Variants in ARHGAP15 observed in about 807,000 individuals in gnomAD.
The protein encoded by ARHGAP15 is Rho GTPase activating protein 15.
Under a neutral mutation model 63.7 loss-of-function variants are expected in ARHGAP15, and 51 were observed. The ratio of observed to expected loss-of-function variants is 0.80; its 90% confidence interval spans 0.64 to 1.01. The LOEUF (loss-of-function observed/expected upper bound fraction) is 1.01. Ranked by LOEUF, ARHGAP15 falls within the 50% of genes least tolerant of loss-of-function variation. The pLI, the probability that ARHGAP15 is intolerant of heterozygous loss-of-function variation, is 0.00. For missense variants in ARHGAP15, 560 were observed against 564.6 expected, an observed-to-expected ratio of 0.99 and a Z score of 0.08; for synonymous variants, 191 against 193.8, an observed-to-expected ratio of 0.99 and a Z score of 0.12.
intron 10 of ARHGAP15, among the ~76,000 whole-genome samples, chr2:143,543,802 G>A (rs1225169977): frequency 1.3e-5 from 2 of 152,116 alleles, no homozygotes; most frequent in South Asian, 4.1e-4. Flanking sequence ...GGGAACAACT[G>A]TTATTGGAAT....
chr2:143,466,353 A>G (rs758329005), intron 8 of ARHGAP15, among the ~76,000 whole-genome samples: 7 of 151,792 alleles, frequency 4.6e-5, no homozygotes, highest in Non-Finnish European at 7.4e-5. Flanking sequence ...TTTCAGAACT[A>G]TGCAATTTCC....
chr2:143,399,892 A>T (rs1687923185), intron 6 of ARHGAP15, among the ~76,000 whole-genome samples: 2 of 152,032 alleles, frequency 1.3e-5, no homozygotes, highest in African/African-American at 2.4e-5. Context: ...TGATGTTGAA[A>T]TGTGATTATA....
At chr2:143,269,225 A>T (rs1681148126) in intron 6 of ARHGAP15, among the ~76,000 whole-genome samples, 1 of 152,200 alleles carries the variant, frequency 6.6e-6, no homozygotes, top group Non-Finnish European at 1.5e-5. Flanking sequence ...GTACTTTGAA[A>T]GTCTGGAGAG....
chr2:143,469,833 A>C (rs1433912467), intron 8 of ARHGAP15, among the ~76,000 whole-genome samples: 2 of 152,230 alleles, frequency 1.3e-5, no homozygotes, highest in African/African-American at 4.8e-5. Flanking sequence ...CAGAAAATTT[A>C]AAGTTATATA....
chr2:143,353,560 A>G (rs1225241643), intron 6 of ARHGAP15, among the ~76,000 whole-genome samples: 1 of 152,086 alleles, frequency 6.6e-6, no homozygotes, highest in Non-Finnish European at 1.5e-5. Flanking sequence ...ATTTTTACTC[A>G]TTCAGTTAGA....
intron 5 of ARHGAP15, among the ~76,000 whole-genome samples, chr2:143,239,128 G>A (rs1326095834): frequency 6.6e-6 from 1 of 151,962 alleles, no homozygotes; most frequent in Non-Finnish European, 1.5e-5. Flanking sequence ...AACCACCATG[G>A]CACACATTTA....
chr2:143,485,398 A>G (rs1217257720), intron 8 of ARHGAP15, among the ~76,000 whole-genome samples: 1 of 152,228 alleles, frequency 6.6e-6, no homozygotes, highest in Non-Finnish European at 1.5e-5. Flanking sequence ...CATGACAAAT[A>G]TATAGATAGA....
intron 6 of ARHGAP15, chr2:143,295,604 G>A (rs1369712093): frequency 6.6e-6 from 1 of 151,988 alleles, no homozygotes; most frequent in Admixed American, 6.6e-5. Flanking sequence ...TTCATGAATA[G>A]AGAGGTACTG....
chr2:143,346,757 A>G (rs1685318447), intron 6 of ARHGAP15, among the ~76,000 whole-genome samples: 1 of 152,156 alleles, frequency 6.6e-6, no homozygotes, highest in Non-Finnish European at 1.5e-5. Context: ...GGTGTTGAAA[A>G]TTGGTATTCA....
At chr2:143,207,495 A>AACACACACACACAC (rs70982851) in intron 3 of ARHGAP15, among the ~76,000 whole-genome samples, 7 of 145,764 alleles carry the variant, frequency 4.8e-5, no homozygotes, top group Admixed American at 1.4e-4. Flanking sequence ...CACACACATA[A>AACACACACACACAC]ACACACACAC....
intron 6 of ARHGAP15, among the ~76,000 whole-genome samples, chr2:143,315,357 C>G (rs1401967204): frequency 6.6e-6 from 1 of 152,002 alleles, no homozygotes; most frequent in Non-Finnish European, 1.5e-5. Context: ...ATTTAATTTT[C>G]TTAATTTATC....
chr2:143,318,175 A>ATT (rs796712788), intron 6 of ARHGAP15, among the ~76,000 whole-genome samples: 7 of 142,902 alleles, frequency 4.9e-5, no homozygotes, highest in African/African-American at 1.0e-4. Context: ...ATATTTTTGT[A>ATT]TTTTTTTTTT....
chr2:143,181,639 T>G (rs1024762339), intron 2 of ARHGAP15, among the ~76,000 whole-genome samples: 6 of 152,228 alleles, frequency 3.9e-5, no homozygotes, highest in Non-Finnish European at 8.8e-5. Flanking sequence ...TCTGCAGTTT[T>G]TCCACCTCTC....
At chr2:143,488,063 A>G (rs1299662601) in intron 9 of ARHGAP15, among the ~76,000 whole-genome samples, 1 of 152,252 alleles carries the variant, frequency 6.6e-6, no homozygotes, top group Non-Finnish European at 1.5e-5. Context: ...TGTAGAGGGC[A>G]GAATAGATGA....
At chr2:143,539,381 C>T (rs1694938354) in intron 10 of ARHGAP15, among the ~76,000 whole-genome samples, 2 of 152,150 alleles carry the variant, frequency 1.3e-5, no homozygotes, top group Middle Eastern at 3.4e-3. Context: ...CTATTTCCTT[C>T]AGTTCTGCTC....
chr2:143,738,810 C>T (rs982169733), intron 13 of ARHGAP15, among the ~76,000 whole-genome samples: 1 of 152,142 alleles, frequency 6.6e-6, no homozygotes, highest in Non-Finnish European at 1.5e-5. Flanking sequence ...GTCCTTAACG[C>T]CAGGTTAAAT....
chr2:143,251,352 T>G (rs1336980978), intron 6 of ARHGAP15, among the ~76,000 whole-genome samples: 2 of 152,052 alleles, frequency 1.3e-5, no homozygotes, highest in South Asian at 2.1e-4. Context: ...AGAAGAGAGA[T>G]AGAGTATAAT....
intron 11 of ARHGAP15, among the ~76,000 whole-genome samples, chr2:143,569,158 A>G (rs865860523): frequency 4.9e-4 from 71 of 144,600 alleles, no homozygotes; most frequent in African/African-American, 1.7e-3. Context: ...AACTTAAAGT[A>G]TAATAATTTA....
chr2:143,471,713 G>A (rs1390590858), intron 8 of ARHGAP15, among the ~76,000 whole-genome samples: 1 of 152,126 alleles, frequency 6.6e-6, no homozygotes, highest in Non-Finnish European at 1.5e-5. Context: ...AGGACCTGAG[G>A]CAGGATGTGC....
Sources: allele counts gnomAD v4.1 joint callset (sites outside exome capture counted in the v4.1 genomes callset), GRCh38; gene constraint gnomAD v4.1.1; transcripts MANE v1.5; gene names NCBI Gene and HGNC (gene_info 2026-07-23, HGNC 2026-07-21).